Variants in GLIS1 observed in about 807,000 individuals in gnomAD.
The protein encoded by GLIS1 is GLIS family zinc finger 1, also known as zinc finger protein GLIS1.
GLIS1 carries 24 observed loss-of-function variants against 63.8 expected under a neutral mutation model. The observed-to-expected ratio is 0.38, with a 90% CI of 0.27 to 0.53. The LOEUF (loss-of-function observed/expected upper bound fraction) is 0.53, where lower values mean the gene tolerates loss of function less well. Ranked by LOEUF, GLIS1 falls within the 20% of genes least tolerant of loss-of-function variation. The probability of loss-of-function intolerance (pLI) is 0.85; values close to 1 mark genes in which losing one functional copy is unlikely to be tolerated. For synonymous variants in GLIS1, 450 were observed against 482.5 expected (o/e 0.93, Z 0.88); for missense variants, 1,036 against 1,074.1 (o/e 0.96, Z 0.50).
At chr1:53,643,772 C>G (rs368645254) in intron 2 of GLIS1, among the ~76,000 whole-genome samples, 48 of 152,266 alleles carry the variant, frequency 3.2e-4, no homozygotes, top group East Asian at 2.7e-3. Flanking sequence ...TGGAGCAGCA[C>G]CCCCGGGGTC....
chr1:53,689,723 C>A (rs1451538747), intron 2 of GLIS1, among the ~76,000 whole-genome samples: 1 of 152,180 alleles, frequency 6.6e-6, no homozygotes, highest in Non-Finnish European at 1.5e-5. Flanking sequence ...AGCCTGAGAC[C>A]AGACCTCCCC....
At chr1:53,513,926 G>A (rs1644323086) in intron 8 of GLIS1, among the ~76,000 whole-genome samples, 1 of 152,250 alleles carries the variant, frequency 6.6e-6, no homozygotes, top group African/African-American at 2.4e-5. Flanking sequence ...GGCCTGCGGG[G>A]ACAAGGTGAT....
chr1:53,612,202 G>A (rs1404941548), intron 2 of GLIS1, among the ~76,000 whole-genome samples: 1 of 152,132 alleles, frequency 6.6e-6, no homozygotes, highest in Non-Finnish European at 1.5e-5. Flanking sequence ...GCATAAATCA[G>A]CAAATAACTT....
intron 7 of GLIS1, among the ~76,000 whole-genome samples, chr1:53,517,952 G>A (rs994285048): frequency 6.6e-6 from 1 of 152,256 alleles, no homozygotes; most frequent in Non-Finnish European, 1.5e-5. Context: ...GCGAGGGGCA[G>A]CGGAAGTGGG....
At chr1:53,522,168 C>A (rs772384756) in intron 6 of GLIS1, among the ~76,000 whole-genome samples, 3 of 152,382 alleles carry the variant, frequency 2.0e-5, no homozygotes, top group Non-Finnish European at 2.9e-5. Flanking sequence ...GGATTAGGAG[C>A]AGCAGGAGAG....
chr1:53,550,128 C>G (rs1014922549), intron 4 of GLIS1, among the ~76,000 whole-genome samples: 1 of 152,184 alleles, frequency 6.6e-6, no homozygotes, highest in African/African-American at 2.4e-5. Flanking sequence ...CAATTTTATT[C>G]GCAAAGAAGT....
chr1:53,616,838 G>A (rs954203168), intron 2 of GLIS1, among the ~76,000 whole-genome samples: 1 of 152,170 alleles, frequency 6.6e-6, no homozygotes. Flanking sequence ...TCTGGATTCT[G>A]TGGAAAAGAT....
At chr1:53,552,355 T>C (rs1360579963) in intron 4 of GLIS1, among the ~76,000 whole-genome samples, 1 of 152,098 alleles carries the variant, frequency 6.6e-6, no homozygotes, top group Non-Finnish European at 1.5e-5. Flanking sequence ...CTACACAGCA[T>C]GGCCCAGGTG....
intron 2 of GLIS1, among the ~76,000 whole-genome samples, chr1:53,733,580 G>A (rs773110277): frequency 3.9e-5 from 6 of 152,276 alleles, no homozygotes; most frequent in Non-Finnish European, 5.9e-5. Context: ...AATTCTAGCC[G>A]CCCGAGATTC....
intron 2 of GLIS1, among the ~76,000 whole-genome samples, chr1:53,665,358 G>C (rs1336583798): frequency 6.6e-6 from 1 of 152,138 alleles, no homozygotes; most frequent in Middle Eastern, 3.2e-3. Context: ...GATGTGTTAA[G>C]TTGGAGATCT....
At chr1:53,536,634 CTGA>C (rs1644584132) in intron 4 of GLIS1, among the ~76,000 whole-genome samples, 1 of 152,122 alleles carries the variant, frequency 6.6e-6, no homozygotes, top group South Asian at 2.1e-4. Flanking sequence ...TTGGGTCTGG[CTGA>C]TGAGTCTATA....
Position 53,510,010 on chromosome 1 carries a change from A to T in GLIS1, c.1901T>A (p.Leu634His). ...STRDGLGPGL[L>H]SPIVSPLKGL... ...CTTCAGGGGGCTGACTATTGGTGAGAGGAGGCCGGGCCCCAACCTGGAGAG... is the reference window on the plus strand; with the variant it reads ...CTTCAGGGGGCTGACTATTGGTGAGTGGAGGCCGGGCCCCAACCTGGAGAG... The change falls in exon 9 of 11, where the codon CTC becomes CAC. Residue 634 changes from leucine (L) to histidine (H), a missense_variant. Around this residue, in one of 3 missense-constraint regions of GLIS1, gnomAD observed 400 missense variants for 400.9 expected, o/e 1.00. Transcript: ENST00000628545. 1 of 1,274,592 alleles carries T rather than the reference A, an allele frequency of 7.8e-7. No homozygotes were observed. The highest frequency in any genetic ancestry group is 1.0e-6 in the Non-Finnish European group (1 of 1,002,400). 79.0% of individuals were successfully genotyped at this position (1,274,592 alleles called of 1,614,324 possible). A position where few individuals can be genotyped will look rare whatever the true frequency, so the allele number is the denominator to read the frequency against.
rs1399658202 is a variant in GLIS1, at chr1:53,646,922, A to G, written c.260-46644T>C. Among the ~76,000 whole-genome samples, 1 of 146,140 alleles carries G rather than the reference A, an allele frequency of 6.8e-6. No individual in the cohort carries two copies. The highest frequency in any genetic ancestry group is 1.5e-5 in the Non-Finnish European group (1 of 66,456). Reference sequence around the variant, plus strand: ...AGGAAAGGAAGGAAGGGAAGGAAGGAAGGAAGGAAAGAAGGAAGGAAAGGG... The same window carrying G: ...AGGAAAGGAAGGAAGGGAAGGAAGGGAGGAAGGAAAGAAGGAAGGAAAGGG... On this transcript the variant is annotated intron_variant, in intron 2 of 10. Coordinates refer to ENST00000628545, the MANE Select transcript of GLIS1 (RefSeq NM_001367484.1). The surrounding 1 kb of genome is among the most constrained non-coding windows in gnomAD (Gnocchi z 4.2).
chr1:53,630,904 A>C (rs1434061021), intron 2 of GLIS1, among the ~76,000 whole-genome samples: 1 of 152,200 alleles, frequency 6.6e-6, no homozygotes, highest in African/African-American at 2.4e-5. Flanking sequence ...TTTGAGCTTT[A>C]TAGCTAGTGG....
chr1:53,624,156 T>A (rs773499863), intron 2 of GLIS1, among the ~76,000 whole-genome samples: 34 of 152,160 alleles, frequency 2.2e-4, no homozygotes, highest in Non-Finnish European at 4.0e-4. Context: ...TTTCTACAAA[T>A]CTACAGTAAT....
chr1:53,506,885 T>C, intron 10 of GLIS1, 109 bp from the exon 11 acceptor site: 1 of 1,129,552 alleles, frequency 8.9e-7, no homozygotes, highest in East Asian at 2.6e-5. Flanking sequence ...CCCCTCACAG[T>C]GTCCCGTCGG....
At chr1:53,601,248 C>T (rs1054552425) in intron 2 of GLIS1, among the ~76,000 whole-genome samples, 1 of 152,316 alleles carries the variant, frequency 6.6e-6, no homozygotes, top group African/African-American at 2.4e-5. Context: ...GGATCTCACC[C>T]GTTCCCCAGT....
At chr1:53,518,935 TCTC>T (rs922756774) in intron 7 of GLIS1, among the ~76,000 whole-genome samples, 3 of 152,190 alleles carry the variant, frequency 2.0e-5, no homozygotes, top group Non-Finnish European at 4.4e-5. Context: ...GGTGATTCCT[TCTC>T]CTGCCCAGGC....
Position 53,526,695 on chromosome 1 carries a change from T to C in GLIS1, c.1483-1808A>G, listed in dbSNP as rs1037731052. 2.6e-5 allele frequency among the ~76,000 whole-genome samples: 4 copies of C among 152,276 alleles called. No homozygotes were observed. The highest frequency in any genetic ancestry group is 4.4e-5 in the Non-Finnish European group (3 of 68,044). Reference sequence around the variant, plus strand: ...CAGGACTGTCCCTTGGGGATGCTGATACAAATCCACTCGCTTTCGTCTAAA... The same window carrying C: ...CAGGACTGTCCCTTGGGGATGCTGACACAAATCCACTCGCTTTCGTCTAAA... On this transcript the variant is annotated intron_variant, in intron 5 of 10. Coordinates refer to ENST00000628545, the MANE Select transcript of GLIS1 (RefSeq NM_001367484.1). The surrounding 1 kb of genome is among the most constrained non-coding windows in gnomAD (Gnocchi z 4.4).
Sources: gnomAD v4.1 joint callset for allele counts (sites outside exome capture counted in the v4.1 genomes callset) on GRCh38, gnomAD v4.1.1 for gene constraint, gnomAD v4.1.1 regional missense constraint, Gnocchi (gnomAD v3.1) non-coding constraint, MANE v1.5 for transcripts, NCBI Gene and HGNC (gene_info 2026-07-23, HGNC 2026-07-21) for gene names.